C3orf20: variants seen among roughly 807,000 people sequenced by gnomAD.
The protein encoded by C3orf20 is uncharacterized protein C3orf20.
In C3orf20, 76 loss-of-function variants were observed where a neutral mutation model predicts 88.3. The observed-to-expected ratio is 0.86, with a 90% CI of 0.72 to 1.04. The LOEUF is 1.04. Among genes scored for constraint, C3orf20 ranks in the 50% least tolerant of loss-of-function variants. C3orf20 has a pLI of 0.00. For synonymous variants in C3orf20, 436 were observed against 437.4 expected, an observed-to-expected ratio of 1.00 and a Z score of 0.04; for missense variants, 1,056 against 1,123.3, an observed-to-expected ratio of 0.94 and a Z score of 0.86.
chr3:14,711,786 A>G (rs991037485), intron 7 of C3orf20, among the ~76,000 whole-genome samples: 8 of 151,730 alleles, frequency 5.3e-5, no homozygotes, highest in African/African-American at 1.2e-4. Context: ...AGTTTAATCT[A>G]TTTCTGTTTA....
chr3:14,686,240 A>G (rs575181301), intron 4 of C3orf20, among the ~76,000 whole-genome samples: 8 of 150,154 alleles, frequency 5.3e-5, no homozygotes, highest in Non-Finnish European at 8.9e-5. Context: ...TTATCCTTTG[A>G]TGAACATTTA....
chr3:14,713,102 G>A (rs1169018911), intron 7 of C3orf20, among the ~76,000 whole-genome samples: 4 of 151,880 alleles, frequency 2.6e-5, no homozygotes, highest in Admixed American at 6.6e-5. Flanking sequence ...TCTGTCTTTT[G>A]ACAGTTGAAT....
chr3:14,704,240 G>A, intron 6 of C3orf20, 97 bp from the exon 7 acceptor site: 1 of 1,275,700 alleles, frequency 7.8e-7, no homozygotes, highest in Non-Finnish European at 1.1e-6. Context: ...CAGGGGAATG[G>A]GATAGGGGTC....
At chr3:14,703,342 T>C in intron 6 of C3orf20, 80 bp downstream of exon 6, 1 of 1,593,490 alleles carries the variant, frequency 6.3e-7, no homozygotes, top group Non-Finnish European at 8.5e-7. Context: ...CCTGTGTATA[T>C]GTGAGTGGAC....
chr3:14,703,331 C>T (rs1575107860), intron 6 of C3orf20, 69 bp downstream of exon 6: 1 of 1,604,364 alleles, frequency 6.2e-7, no homozygotes. Context: ...AGCTGGGAGT[C>T]CCTGTGTATA....
At chr3:14,738,470 A>G (rs2034792402) in intron 12 of C3orf20, among the ~76,000 whole-genome samples, 2 of 151,486 alleles carry the variant, frequency 1.3e-5, no homozygotes, top group Admixed American at 1.3e-4. Context: ...CTGGGACTAC[A>G]GGCACCCGCC....
At chr3:14,737,451 C>T (rs1180194570) in intron 12 of C3orf20, among the ~76,000 whole-genome samples, 1 of 152,154 alleles carries the variant, frequency 6.6e-6, no homozygotes, top group Non-Finnish European at 1.5e-5. Context: ...CATATAAAAG[C>T]TATGTTTACA....
chr3:14,757,756 G>A (rs2035423770), intron 13 of C3orf20, 82 bp downstream of exon 13: 15 of 1,363,802 alleles, frequency 1.1e-5, no homozygotes, highest in Non-Finnish European at 1.4e-5. Flanking sequence ...CACAGTGCTA[G>A]GACTGGCTGA....
chr3:14,676,798 A>G (rs1235742523), intron 1 of C3orf20, among the ~76,000 whole-genome samples: 1 of 152,318 alleles, frequency 6.6e-6, no homozygotes, highest in Non-Finnish European at 1.5e-5. Flanking sequence ...GATGGCTACC[A>G]TGAGATTCCA....
rs760059037 is a variant in C3orf20 at position 14,682,839 on chromosome 3, C to T, written c.126C>T (p.Gly42=). 133 of 1,614,098 alleles carry T rather than the reference C, an allele frequency of 8.2e-5. No individual in the cohort carries two copies. The highest frequency in any genetic ancestry group is 1.1e-4 in the Non-Finnish European group (127 of 1,180,048). The change falls in exon 3 of 17, where the codon GGC becomes GGT. Residue 42 remains glycine, a synonymous_variant. Transcript: ENST00000253697. ...ATGCAGGCATTTCTGTACCAAAAGGCATCAGAAACATCTTTGAGTTCACTT... is the reference window on the plus strand; with the variant it reads ...ATGCAGGCATTTCTGTACCAAAAGGTATCAGAAACATCTTTGAGTTCACTT... ...CQNAGISVPK[G]IRNIFEFTWE...
At chr3:14,764,038 C>A (rs2035633365) in intron 15 of C3orf20, among the ~76,000 whole-genome samples, 1 of 152,060 alleles carries the variant, frequency 6.6e-6, no homozygotes, top group African/African-American at 2.4e-5. Flanking sequence ...CACATACATA[C>A]AAACTATAAA....
intron 7 of C3orf20, among the ~76,000 whole-genome samples, chr3:14,711,893 C>T (rs918644129): frequency 5.9e-5 from 9 of 152,066 alleles, no homozygotes; most frequent in African/African-American, 1.9e-4. Context: ...ATTACTTCCA[C>T]TTTTTGTGTC....
intron 15 of C3orf20, among the ~76,000 whole-genome samples, chr3:14,764,134 G>A (rs1290136577): frequency 6.7e-6 from 1 of 148,596 alleles, no homozygotes; most frequent in Non-Finnish European, 1.5e-5. Context: ...ACACACAGAA[G>A]TAGACACAAA....
intron 9 of C3orf20, among the ~76,000 whole-genome samples, chr3:14,715,935 TAAC>T: frequency 6.6e-6 from 1 of 152,148 alleles, no homozygotes. Context: ...ATTTATTAAA[TAAC>T]AAATAATAAA....
chr3:14,698,064 G>A lies in C3orf20; in HGVS notation c.746-5066G>A, dbSNP rs182892147. 3.9e-5 allele frequency among the ~76,000 whole-genome samples: 6 copies of A among 152,246 alleles called. No homozygotes were observed. The East Asian group carries it at 1.2e-3, about 29-fold the overall frequency. On this transcript the variant is annotated intron_variant, in intron 5 of 16. Transcript: ENST00000253697. ...AGTAGCATGATTTATAATCCTTTAG[G>A]TATATACCCAGTAATGGGATTGCTG... is the stretch of plus-strand genomic sequence containing the variant.
chr3:14,682,946 T>C lies in C3orf20; in HGVS notation c.233T>C (p.Val78Ala), dbSNP rs749815467. ...GLEVSFGAPL[V>A]VLMEPTFVQV... ...GAGGTCAGCTTTGGAGCCCCCCTGG[T>C]GGTGCTCATGGAACCCACCTTTGTG... is the stretch of plus-strand genomic sequence containing the variant. Residue 78 changes from valine to alanine, a missense_variant, in exon 3 of 17, where the codon GTG becomes GCG. Transcript: ENST00000253697. The C allele has an allele frequency of 6.2e-7, 1 of 1,614,164 alleles. No homozygotes were observed. Among genetic ancestry groups the C allele is most frequent in the Admixed American group, 1.7e-5 (1 of 60,016 alleles).
intron 12 of C3orf20, among the ~76,000 whole-genome samples, chr3:14,752,192 T>A (rs1054240767): frequency 2.0e-5 from 3 of 152,154 alleles, no homozygotes; most frequent in Admixed American, 2.0e-4. Flanking sequence ...TCTACAACCA[T>A]CTGATCTTTG....
chr3:14,703,354 G>C, intron 6 of C3orf20, 92 bp downstream of exon 6: 1 of 1,564,106 alleles, frequency 6.4e-7, no homozygotes, highest in Non-Finnish European at 8.7e-7. Flanking sequence ...TGAGTGGACA[G>C]TCACAGAAGT....
intron 15 of C3orf20, among the ~76,000 whole-genome samples, chr3:14,763,060 A>C (rs2035604870): frequency 6.6e-6 from 1 of 152,148 alleles, no homozygotes; most frequent in African/African-American, 2.4e-5. Flanking sequence ...GTGGTCCTTG[A>C]AGACCAGTCA....
Sources: allele counts gnomAD v4.1 joint callset (sites outside exome capture counted in the v4.1 genomes callset), GRCh38; gene constraint gnomAD v4.1.1; transcripts MANE v1.5; gene names NCBI Gene and HGNC (gene_info 2026-07-23, HGNC 2026-07-21).